The following DLG2 variants were observed in gnomAD, a reference collection of about 807,000 sequenced individuals.
DLG2 encodes the protein disks large homolog 2.
A neutral mutation model predicts 132.5 loss-of-function variants in DLG2; 45 were observed. That is an observed-to-expected ratio of 0.34 (90% CI 0.27 to 0.44). The LOEUF (loss-of-function observed/expected upper bound fraction) is 0.44, where lower values mean the gene tolerates loss of function less well. Ranked by LOEUF, DLG2 falls within the 20% of genes least tolerant of loss-of-function variation. The pLI is 1.00. For missense variants in DLG2, 1,045 were observed against 1,196.9 expected (o/e 0.87, Z 1.87); for synonymous variants, 424 against 419.6 (o/e 1.01, Z -0.13).
chr11:83,819,970 C>G (rs2050298452), intron 17 of DLG2, among the ~76,000 whole-genome samples: 1 of 151,974 alleles, frequency 6.6e-6, no homozygotes, highest in Non-Finnish European at 1.5e-5. Flanking sequence ...AACAAAGTCA[C>G]AAATGTTACT....
chr11:84,814,634 G>A (rs2153975822), intron 6 of DLG2, among the ~76,000 whole-genome samples: 1 of 152,104 alleles, frequency 6.6e-6, no homozygotes, highest in East Asian at 1.9e-4. Flanking sequence ...TCTCATCTCT[G>A]AATAGATGTT....
chr11:85,009,961 C>G (rs140766325), intron 6 of DLG2, among the ~76,000 whole-genome samples: 1 of 152,036 alleles, frequency 6.6e-6, no homozygotes, highest in Non-Finnish European at 1.5e-5. Context: ...ATGTAGGTTG[C>G]CCAAGAATCC....
intron 6 of DLG2, among the ~76,000 whole-genome samples, chr11:84,715,293 A>C (rs531890059): frequency 4.6e-5 from 7 of 152,232 alleles, no homozygotes; most frequent in African/African-American, 1.7e-4. Context: ...TATACAACAT[A>C]ATGTTTTGAT....
In DLG2 at chr11:85,563,713, T is replaced by C. The variant is rs116251364; in HGVS notation, c.40+34944A>G. Among the ~76,000 whole-genome samples, 1,353 of 147,500 alleles carry C rather than the reference T, an allele frequency of 9.2e-3. 18 individuals are homozygous for C. Among genetic ancestry groups the C allele is most frequent in the African/African-American group, 0.031 (1,275 of 41,234 alleles). ...ATGGATATACCAAAACTGGTTTATC[T>C]GTTCACCAAGCCATGGACATTTGGA... On this transcript the variant is annotated intron_variant, in intron 3 of 27. Transcript: ENST00000376104.
intron 3 of DLG2, among the ~76,000 whole-genome samples, chr11:85,456,618 C>T (rs2092431622): frequency 6.6e-6 from 1 of 152,154 alleles, no homozygotes; most frequent in Non-Finnish European, 1.5e-5. Flanking sequence ...CTATAAACTT[C>T]CCTCTTAACA....
At chr11:83,858,106 C>T (rs991899087) in intron 16 of DLG2, among the ~76,000 whole-genome samples, 2 of 152,118 alleles carry the variant, frequency 1.3e-5, no homozygotes, top group African/African-American at 4.8e-5. Flanking sequence ...CGATCTAGCA[C>T]AATGAAGCTG....
intron 7 of DLG2, among the ~76,000 whole-genome samples, chr11:84,453,167 T>A (rs2099056360): frequency 1.3e-5 from 2 of 151,690 alleles, no homozygotes; most frequent in Admixed American, 1.3e-4. Context: ...AGTAAGCCAC[T>A]GGATATATAA....
chr11:83,615,656 G>C (rs1203885403), intron 19 of DLG2, among the ~76,000 whole-genome samples: 1 of 152,226 alleles, frequency 6.6e-6, no homozygotes, highest in Non-Finnish European at 1.5e-5. Context: ...AAGTGGGTCA[G>C]AGAGATACGC....
intron 21 of DLG2, among the ~76,000 whole-genome samples, chr11:83,499,891 A>ATATATG (rs2094374169): frequency 9.2e-6 from 1 of 108,234 alleles, no homozygotes; most frequent in Non-Finnish European, 1.8e-5. Flanking sequence ...ATATATATAT[A>ATATATG]TATATATCAG....
intron 6 of DLG2, among the ~76,000 whole-genome samples, chr11:84,752,179 A>C (rs556039467): frequency 6.6e-6 from 1 of 152,310 alleles, no homozygotes; most frequent in South Asian, 2.1e-4. Context: ...CTGGCTTTCT[A>C]GCCTTGGATC....
intron 4 of DLG2, among the ~76,000 whole-genome samples, chr11:85,225,816 C>T (rs1196591499): frequency 1.3e-5 from 2 of 152,112 alleles, no homozygotes; most frequent in Admixed American, 1.3e-4. Flanking sequence ...ATTTCTCCAT[C>T]TCAAATCACA....
chr11:85,580,437 A>C (rs749064050), intron 3 of DLG2, among the ~76,000 whole-genome samples: 6 of 152,240 alleles, frequency 3.9e-5, no homozygotes, highest in Middle Eastern at 3.2e-3. Flanking sequence ...AACAGAAGTC[A>C]GAGAACAACA....
At position 84,705,683 on chromosome 11, in the gene DLG2, T is replaced by G. The variant is rs532859907; in HGVS notation, c.358-170952A>C. Among the ~76,000 whole-genome samples the G allele has an allele frequency of 2.6e-5, 4 of 151,900 alleles. No homozygotes were observed. In the South Asian group the frequency reaches 8.3e-4, roughly 31 times the overall value. ...CAGTCTTGGTGACCAAGCGATTCATTTATTTGTTCATTCAATATATATTTA... is the reference window on the plus strand; with the variant it reads ...CAGTCTTGGTGACCAAGCGATTCATGTATTTGTTCATTCAATATATATTTA... On this transcript the variant is annotated intron_variant, in intron 6 of 27. Transcript: ENST00000376104.
At chr11:84,383,259 C>A (rs923004665) in intron 7 of DLG2, among the ~76,000 whole-genome samples, 1 of 151,864 alleles carries the variant, frequency 6.6e-6, no homozygotes, top group East Asian at 1.9e-4. Flanking sequence ...TCCATTCCCC[C>A]GAGAAGATTT....
At chr11:83,777,643 C>A in intron 18 of DLG2, among the ~76,000 whole-genome samples, 1 of 152,082 alleles carries the variant, frequency 6.6e-6, no homozygotes, top group East Asian at 1.9e-4. Flanking sequence ...CCCCAAGAAA[C>A]AATAAATGCT....
At chr11:84,544,168 T>G (rs1466410548) in intron 6 of DLG2, among the ~76,000 whole-genome samples, 1 of 152,174 alleles carries the variant, frequency 6.6e-6, no homozygotes, top group Non-Finnish European at 1.5e-5. Context: ...TCCCCTAAAA[T>G]GAGCTAGGCT....
At chr11:84,029,259 G>A (rs772672798) in intron 11 of DLG2, among the ~76,000 whole-genome samples, 3 of 152,040 alleles carry the variant, frequency 2.0e-5, no homozygotes, top group Non-Finnish European at 4.4e-5. Context: ...AAAAAAGATA[G>A]TATAATCTCT....
At chr11:83,470,188 C>T (rs986109292) in intron 24 of DLG2, among the ~76,000 whole-genome samples, 1 of 151,254 alleles carries the variant, frequency 6.6e-6, no homozygotes, top group Admixed American at 6.6e-5. Flanking sequence ...TGTCACAATT[C>T]ATAATAGTGA....
At chr11:85,316,175 A>C (rs2080660239) in intron 3 of DLG2, among the ~76,000 whole-genome samples, 1 of 152,164 alleles carries the variant, frequency 6.6e-6, no homozygotes, top group Admixed American at 6.6e-5. Context: ...AAATAGATCA[A>C]ATAAACTACT....
Sources: gnomAD v4.1 joint callset for allele counts (sites outside exome capture counted in the v4.1 genomes callset) on GRCh38, gnomAD v4.1.1 for gene constraint, MANE v1.5 for transcripts, NCBI Gene and HGNC (gene_info 2026-07-23, HGNC 2026-07-21) for gene names.